CCNT2: variants seen among roughly 807,000 people sequenced by gnomAD.
CCNT2 encodes cyclin T2.
A neutral mutation model predicts 70.0 loss-of-function variants in CCNT2; 18 were observed. The observed-to-expected ratio is 0.26, with a 90% CI of 0.18 to 0.38. The LOEUF (loss-of-function observed/expected upper bound fraction) is 0.38, where lower values mean the gene tolerates loss of function less well. CCNT2 is among the 10% of genes least tolerant of loss of function. The probability of loss-of-function intolerance (pLI) is 1.00; values close to 1 mark genes in which losing one functional copy is unlikely to be tolerated. For missense variants in CCNT2, 734 were observed against 890.2 expected (o/e 0.82, Z 2.23); for synonymous variants, 334 against 313.3 (o/e 1.07, Z -0.70).
intron 5 of CCNT2, chr2:134,944,959 CT>C (rs1471766519): frequency 7.1e-6 from 7 of 985,122 alleles, no homozygotes; most frequent in Admixed American, 6.2e-5. Flanking sequence ...TCTGTGAAGT[CT>C]TTTTCTCCCC....
Position 134,954,380 on chromosome 2 carries a change from G to A in CCNT2, c.1925G>A (p.Gly642Asp). Residue 642 changes from glycine (G) to aspartate (D), a missense_variant, in exon 9 of 9, where the codon GGT (glycine) becomes GAT (aspartate). Coordinates refer to ENST00000264157, the MANE Select transcript of CCNT2 (RefSeq NM_058241.3). ...SKMSKSSKSSGSSSSSSSSVK... is the reference protein window; with the variant it reads ...SKMSKSSKSSDSSSSSSSSVK... ...ATGAGCAAAAGTTCCAAAAGTTCAG[G>A]TAGTTCATCTAGTTCTTCCTCCTCT... The A allele has an allele frequency of 6.2e-7, 1 of 1,614,140 alleles. No homozygotes were observed. The highest frequency in any genetic ancestry group is 1.3e-5 in the African/African-American group (1 of 75,038).
At position 134,956,481 on chromosome 2, in the gene CCNT2, A is replaced by G. The variant is rs1425059222; in HGVS notation, c.*1833A>G. The G allele has an allele frequency of 6.6e-6, 1 of 152,402 alleles. No individual in the cohort carries two copies. The highest frequency in any genetic ancestry group is 2.4e-5 in the African/African-American group (1 of 41,448). 9.4% of individuals were successfully genotyped at this position (152,402 alleles called of 1,614,324 possible). On this transcript the variant is annotated 3_prime_UTR_variant, in exon 9 of 9. Coordinates refer to ENST00000264157, the MANE Select transcript of CCNT2 (RefSeq NM_058241.3). ...CTGTATGGCATAATATTGTATCCATAAACATGGTAATTTTGATACAGTTAT... is the reference window on the plus strand; with the variant it reads ...CTGTATGGCATAATATTGTATCCATGAACATGGTAATTTTGATACAGTTAT...
intron 2 of CCNT2, 39 bp downstream of exon 2, chr2:134,919,930 G>C (rs773412484): frequency 1.4e-6 from 2 of 1,421,482 alleles, no homozygotes; most frequent in Middle Eastern, 1.9e-4. Context: ...CCGCAAATTT[G>C]AGGGTAAATC....
In CCNT2 at chr2:134,955,873, A is replaced by C. The variant is rs1224347489; in HGVS notation, c.*1225A>C. ...CCTGTATTTATAGTTTATGGTTATC[A>C]GGAAGCTCTGTAAGAAAGAAAAGGT... On this transcript the variant is annotated 3_prime_UTR_variant, in exon 9 of 9. Coordinates refer to ENST00000264157, the MANE Select transcript of CCNT2 (RefSeq NM_058241.3). 6.5e-6 allele frequency: 1 copy of C among 152,672 alleles called. No homozygotes were observed. The highest frequency in any genetic ancestry group is 2.4e-5 in the African/African-American group (1 of 41,468). The allele number at this position is 152,672 out of a possible 1,614,324, so 9.5% of individuals were successfully genotyped here. A position where few individuals can be genotyped will look rare whatever the true frequency, so the allele number is the denominator to read the frequency against.
In CCNT2 at chr2:134,957,968, G is replaced by T. The variant is rs569535849; in HGVS notation, c.*3320G>T. On this transcript the variant is annotated 3_prime_UTR_variant, in exon 9 of 9. Coordinates refer to ENST00000264157, the MANE Select transcript of CCNT2 (RefSeq NM_058241.3). ...AAATGACTACTTGAGGGCTATTTCA[G>T]AGAACCAATATGAAATGTTTTTGTT... The T allele has an allele frequency of 6.6e-6, 1 of 152,192 alleles. No homozygotes were observed. The highest frequency in any genetic ancestry group is 1.5e-5 in the Non-Finnish European group (1 of 68,024). The allele number at this position is 152,192 out of a possible 1,614,324, so 9.4% of individuals were successfully genotyped here. A position where few individuals can be genotyped will look rare whatever the true frequency, so the allele number is the denominator to read the frequency against.
rs3041372 is a variant in CCNT2 at position 134,925,859 on chromosome 2, CTTT to C, written c.240+5990_240+5992del. Among the ~76,000 whole-genome samples, 2,225 of 85,130 alleles carry C rather than the reference CTTT, an allele frequency of 0.026. 55 individuals are homozygous for C. In the East Asian group the frequency reaches 0.28, roughly 11 times the overall value. The allele number at this position is 85,130 out of a possible 152,430, so 55.8% of individuals were successfully genotyped here. On this transcript the variant is annotated intron_variant, in intron 2 of 8. Transcript: ENST00000264157. ...TAATATTGGAAACTTGGATAGCTGCCTTTTTTTTTTTTTTTTTTTTTTTTGAGA... is the reference window on the plus strand; with the variant it reads ...TAATATTGGAAACTTGGATAGCTGCCTTTTTTTTTTTTTTTTTTTTTGAGA...
At chr2:134,950,512 C>T (rs1163300807) in intron 7 of CCNT2, among the ~76,000 whole-genome samples, 2 of 152,104 alleles carry the variant, frequency 1.3e-5, no homozygotes, top group Admixed American at 6.5e-5. Context: ...TGGCGCACTC[C>T]TATAGACCCA....
intron 2 of CCNT2, among the ~76,000 whole-genome samples, chr2:134,935,178 A>G (rs1681056040): frequency 1.3e-5 from 2 of 152,312 alleles, no homozygotes; most frequent in South Asian, 2.1e-4. Flanking sequence ...AGCATTCTCA[A>G]TTTTTCTAAT....
intron 1 of CCNT2, 82 bp downstream of exon 1, chr2:134,919,094 G>T: frequency 6.9e-7 from 1 of 1,454,408 alleles, no homozygotes; most frequent in Non-Finnish European, 9.2e-7. Flanking sequence ...ACATGGCGCC[G>T]CCGGCCTCGG....
Position 134,955,870 on chromosome 2 carries a change from A to G in CCNT2, c.*1222A>G, listed in dbSNP as rs1054908386. On this transcript the variant is annotated 3_prime_UTR_variant, in exon 9 of 9. Transcript: ENST00000264157. Reference sequence around the variant, plus strand: ...GTACCTGTATTTATAGTTTATGGTTATCAGGAAGCTCTGTAAGAAAGAAAA... The same window carrying G: ...GTACCTGTATTTATAGTTTATGGTTGTCAGGAAGCTCTGTAAGAAAGAAAA... The G allele has an allele frequency of 3.3e-5, 5 of 152,682 alleles. No individual in the cohort carries two copies. The highest frequency in any genetic ancestry group is 1.2e-4 in the African/African-American group (5 of 41,464). The allele number at this position is 152,682 out of a possible 1,614,324, so 9.5% of individuals were successfully genotyped here.
chr2:134,930,185 A>G (rs1680638678), intron 2 of CCNT2, among the ~76,000 whole-genome samples: 1 of 152,142 alleles, frequency 6.6e-6, no homozygotes, highest in South Asian at 2.1e-4. Context: ...GGCAACCCCT[A>G]AATTATTTTC....
In CCNT2 at chr2:134,956,788, A is replaced by G. The variant is rs1270909935; in HGVS notation, c.*2140A>G. 1 of 152,634 alleles carries G rather than the reference A, an allele frequency of 6.6e-6. No homozygotes were observed. The highest frequency in any genetic ancestry group is 2.4e-5 in the African/African-American group (1 of 41,472). The allele number at this position is 152,634 out of a possible 1,614,324, so 9.5% of individuals were successfully genotyped here. A position where few individuals can be genotyped will look rare whatever the true frequency, so the allele number is the denominator to read the frequency against. On this transcript the variant is annotated 3_prime_UTR_variant, in exon 9 of 9. Coordinates refer to ENST00000264157, the MANE Select transcript of CCNT2 (RefSeq NM_058241.3). ...TCTGTGACTATAGTTAAACTTCACTAAGAATTTGCAGAATTGTTTTGAGAT... is the reference window on the plus strand; with the variant it reads ...TCTGTGACTATAGTTAAACTTCACTGAGAATTTGCAGAATTGTTTTGAGAT...
At chr2:134,931,548 G>A (rs1028391659) in intron 2 of CCNT2, among the ~76,000 whole-genome samples, 2 of 152,014 alleles carry the variant, frequency 1.3e-5, no homozygotes, top group Admixed American at 6.5e-5. Flanking sequence ...TTAGTCCCTT[G>A]TATTTCCATG....
chr2:134,954,535 A>G lies in CCNT2; in HGVS notation c.2080A>G (p.Thr694Ala), dbSNP rs760198126. ...LVKLDKKPVE[T>A]NGPDANHEYS... The stretch of plus-strand genomic sequence containing the variant: ...GAAACTGGACAAGAAGCCAGTGGAG[A>G]CCAACGGTCCTGATGCCAATCACGA... Residue 694 changes from threonine (T) to alanine (A), a missense_variant, in exon 9 of 9, where the codon ACC (threonine) becomes GCC (alanine). Thr to Ala is a moderately conservative substitution (Grantham distance 58). Coordinates refer to ENST00000264157, the MANE Select transcript of CCNT2 (RefSeq NM_058241.3). The G allele has an allele frequency of 2.5e-6, 4 of 1,614,126 alleles. No individual in the cohort carries two copies. Among genetic ancestry groups the G allele is most frequent in the South Asian group, 1.1e-5 (1 of 91,082 alleles).
At chr2:134,938,956 A>G in intron 3 of CCNT2, 46 bp from the exon 4 acceptor site, 2 of 1,203,096 alleles carry the variant, frequency 1.7e-6, no homozygotes, top group Non-Finnish European at 1.2e-6. Context: ...CAGTCTAGTA[A>G]TGTTATTTTT....
chr2:134,937,042 T>C, intron 3 of CCNT2, 73 bp downstream of exon 3: 2 of 1,088,720 alleles, frequency 1.8e-6, no homozygotes, highest in Non-Finnish European at 1.3e-6. Flanking sequence ...CTAACAAAAA[T>C]ACACAGTTCA....
intron 3 of CCNT2, among the ~76,000 whole-genome samples, chr2:134,938,221 C>G (rs1681305233): frequency 6.6e-6 from 1 of 152,108 alleles, no homozygotes. Flanking sequence ...TTTTAAAAAT[C>G]AGCTCAATGA....
At chr2:134,929,026 T>C (rs1273715319) in intron 2 of CCNT2, among the ~76,000 whole-genome samples, 1 of 152,246 alleles carries the variant, frequency 6.6e-6, no homozygotes, top group African/African-American at 2.4e-5. Context: ...TTATGTAGAC[T>C]TAAATATCTG....
At chr2:134,938,511 T>G (rs41528649) in intron 3 of CCNT2, among the ~76,000 whole-genome samples, 173 of 152,322 alleles carry the variant, frequency 1.1e-3, no homozygotes, top group African/African-American at 4.1e-3. Flanking sequence ...TTTGGTATGT[T>G]TGGTCATTTC....
Sources: gnomAD v4.1 joint callset for allele counts (sites outside exome capture counted in the v4.1 genomes callset) on GRCh38, gnomAD v4.1.1 for gene constraint, MANE v1.5 for transcripts, NCBI Gene and HGNC (gene_info 2026-07-23, HGNC 2026-07-21) for gene names.